The following PLXNA3 variants were observed in gnomAD, a reference collection of about 807,000 sequenced individuals.
The protein encoded by PLXNA3 is plexin-A3.
In PLXNA3, 52 loss-of-function variants were observed where a neutral mutation model predicts 118.8. That is an observed-to-expected ratio of 0.44 (90% CI 0.35 to 0.55). The LOEUF (loss-of-function observed/expected upper bound fraction) is 0.55. PLXNA3 is among the 20% of genes least tolerant of loss of function. The pLI is 0.01. For synonymous variants in PLXNA3, 925 were observed against 762.4 expected (o/e 1.21, Z -3.51); for missense variants, 1,660 against 1,730.8 (o/e 0.96, Z 0.73).
rs1450659093 is a variant in PLXNA3, at chrX:154,474,252, GA to G, written c.*1568del. On this transcript the variant is annotated 3_prime_UTR_variant, in exon 33 of 33. Transcript: ENST00000369682. The stretch of plus-strand genomic sequence containing the variant: ...CAGTCTCAAACTCCTGGGCTCAAGT[GA>G]TCCTCCCACCTCAGCCTCCTGAATA... 2 of 105,948 alleles carry G rather than the reference GA, an allele frequency of 1.9e-5. No individual in the cohort carries two copies. The highest frequency in any genetic ancestry group is 3.9e-5 in the Non-Finnish European group (2 of 51,656). The allele number at this position is 105,948 out of a possible 1,213,427, so 8.7% of individuals were successfully genotyped here.
intron 9 of PLXNA3, 101 bp downstream of exon 9, chrX:154,464,602 A>G: frequency 1.3e-6 from 1 of 765,320 alleles, no homozygotes; most frequent in Non-Finnish European, 1.9e-6. Flanking sequence ...ATCAGGGGCT[A>G]ACTGTCAGGC....
Position 154,461,295 on chromosome X carries a change from G to T in PLXNA3, c.791G>T (p.Arg264Leu). Residue 264 changes from arginine to leucine, a missense_variant, in exon 3 of 33, where the codon CGC becomes CTC. Arg to Leu is a moderately radical substitution (Grantham distance 102). Coordinates refer to ENST00000369682, the MANE Select transcript of PLXNA3 (RefSeq NM_017514.5). ...AAATTTTTCACGTCCAAGATCGTGC[G>T]CATGTGCGCGGGAGACTCAGAGTTC... ...GEKFFTSKIV[R>L]MCAGDSEFYS... 8.2e-7 allele frequency: 1 copy of T among 1,212,141 alleles called. No homozygotes were observed.
In PLXNA3 at chrX:154,472,839, C is replaced by G; in HGVS notation, c.*154C>G. Reference sequence around the variant, plus strand: ...CCACGATGCCCCCGGCACACCCAGGCCCCCTTCATTAGTGCCTTGCTTTGG... The same window carrying G: ...CCACGATGCCCCCGGCACACCCAGGGCCCCTTCATTAGTGCCTTGCTTTGG... On this transcript the variant is annotated 3_prime_UTR_variant, in exon 33 of 33. Coordinates refer to ENST00000369682, the MANE Select transcript of PLXNA3 (RefSeq NM_017514.5). 2 of 446,802 alleles carry G rather than the reference C, an allele frequency of 4.5e-6. No homozygotes were observed. The highest frequency in any genetic ancestry group is 8.1e-6 in the Non-Finnish European group (2 of 247,372). The allele number at this position is 446,802 out of a possible 1,213,427, so 36.8% of individuals were successfully genotyped here.
chrX:154,464,952 G>C, intron 10 of PLXNA3, 66 bp from the exon 11 acceptor site: 12 of 1,086,212 alleles, frequency 1.1e-5, no homozygotes, highest in Non-Finnish European at 1.5e-5. Context: ...GTTTCTTTGA[G>C]CCTTCTCCAG....
Position 154,462,218 on chromosome X carries a change from G to A in PLXNA3, c.1225G>A (p.Asp409Asn), listed in dbSNP as rs143491103. The stretch of plus-strand genomic sequence containing the variant: ...GATCGAGGGGCTGCCCCTGCTGGCC[G>A]ACAGCACCGACGGCATGGCCAGCGT... The part of the protein sequence containing the change: ...HVIEGLPLLA[D>N]STDGMASVAA... Residue 409 changes from aspartate to asparagine, a missense_variant, in exon 4 of 33, where the codon GAC (aspartate) becomes AAC (asparagine). Physicochemically the swap from Asp to Asn is conservative, Grantham distance 23. Around this residue, in one of 2 missense-constraint regions of PLXNA3, gnomAD observed 791 missense variants for 652.1 expected, o/e 1.21. Transcript: ENST00000369682. 53 of 1,202,176 alleles carry A rather than the reference G, an allele frequency of 4.4e-5. No homozygotes were observed. The highest frequency in any genetic ancestry group is 1.3e-4 in the Admixed American group (6 of 45,196).
At position 154,477,036 on chromosome X, in the gene PLXNA3, C is replaced by T; in HGVS notation, c.*4351C>T. 8.9e-6 allele frequency: 1 copy of T among 111,905 alleles called. No homozygotes were observed. Among genetic ancestry groups the T allele is most frequent in the East Asian group, 2.8e-4 (1 of 3,579 alleles). 9.2% of individuals were successfully genotyped at this position (111,905 alleles called of 1,213,427 possible). A position where few individuals can be genotyped will look rare whatever the true frequency, so the allele number is the denominator to read the frequency against. ...AGCACAGGCGTGTGAGGAAGCTACC[C>T]AAGACCAGGGAAGGCCATCACCCCA... is the stretch of plus-strand genomic sequence containing the variant. On this transcript the variant is annotated 3_prime_UTR_variant, in exon 33 of 33. Transcript: ENST00000369682.
intron 30 of PLXNA3, 100 bp from the exon 31 acceptor site, chrX:154,471,005 A>C: frequency 1.5e-6 from 1 of 646,521 alleles, no homozygotes; most frequent in Non-Finnish European, 2.4e-6. Flanking sequence ...ACCTCTGGAC[A>C]AGATGTGAGC....
rs1472909420 is a variant in PLXNA3 at position 154,464,054 on chromosome X, G to C, written c.1651G>C (p.Val551Leu). The C allele has an allele frequency of 8.3e-7, 1 of 1,209,958 alleles. No individual in the cohort carries two copies. Among genetic ancestry groups the C allele is most frequent in the Admixed American group, 2.2e-5 (1 of 46,006 alleles). The change falls in exon 7 of 33, where the codon GTG becomes CTG. Residue 551 changes from valine to leucine, a missense_variant. This residue lies in a region of PLXNA3 where 791 missense variants were observed against 652.1 expected (regional missense o/e 1.21). Transcript: ENST00000369682. ...QVRVRPNNVS[V>L]TSPGVQLTVT... is the part of the protein sequence containing the mutation. ...GCGGGTCCGGCCCAACAATGTGTCA[G>C]TGACGTCACCTGGGGTGCAGGTGAG...
rs375646375 is a variant in PLXNA3 at position 154,462,329 on chromosome X, G to C, written c.1317+19G>C. The C allele has an allele frequency of 7.2e-6, 8 of 1,104,920 alleles. No individual in the cohort carries two copies. Among genetic ancestry groups the C allele is most frequent in the Non-Finnish European group, 8.4e-6 (7 of 835,956 alleles). The allele number at this position is 1,104,920 out of a possible 1,213,427, so 91.1% of individuals were successfully genotyped here. A position where few individuals can be genotyped will look rare whatever the true frequency, so the allele number is the denominator to read the frequency against. On this transcript the variant is annotated intron_variant, in intron 4 of 32. Coordinates refer to ENST00000369682, the MANE Select transcript of PLXNA3 (RefSeq NM_017514.5). The stretch of plus-strand genomic sequence containing the variant: ...GAAGAAGGTGGCCCCCAGAGCCCTG[G>C]GCATGTGGGGGTGGGGACAGTCTCA...
In PLXNA3 at chrX:154,462,425, G is replaced by A. The variant is rs1189896541; in HGVS notation, c.1317+115G>A. The A allele has an allele frequency of 6.8e-6, 4 of 588,909 alleles. No individual in the cohort carries two copies. In the African/African-American group the frequency reaches 7.1e-5, roughly 11 times the overall value. 48.5% of individuals were successfully genotyped at this position (588,909 alleles called of 1,213,427 possible). On this transcript the variant is annotated intron_variant, in intron 4 of 32. Transcript: ENST00000369682. ...CAGGACAGGAGAGGACACGGCTGGT[G>A]CAGGGAGGGAGATTTCCCTGGCTGG...
At chrX:154,465,886 G>A (rs781981367) in intron 13 of PLXNA3, 39 bp downstream of exon 13, 6 of 1,208,495 alleles carry the variant, frequency 5.0e-6, no homozygotes, top group Non-Finnish European at 3.4e-6. Flanking sequence ...TGCCAACAGG[G>A]CCCCTGGGAG....
intron 5 of PLXNA3, 31 bp from the exon 6 acceptor site, chrX:154,463,559 G>GTGGGC: frequency 8.6e-7 from 1 of 1,156,731 alleles, no homozygotes; most frequent in Non-Finnish European, 1.2e-6. Context: ...TGGGGCGGGG[G>GTGGGC]TGGGCTGGGT....
intron 4 of PLXNA3, among the ~76,000 whole-genome samples, chrX:154,462,954 G>A (rs2069002352): frequency 9.0e-6 from 1 of 111,197 alleles, no homozygotes; most frequent in African/African-American, 3.3e-5. Context: ...AAGGGTTTGT[G>A]GAGAAGGATG....
rs1557206842 is a variant in PLXNA3 at position 154,465,919 on chromosome X, C to G, written c.2533-16C>G. The stretch of plus-strand genomic sequence containing the variant: ...GAGTCTGAGCCAACTCTCTCACTGC[C>G]CATCCTGCTCCACAGATCCACCCTC... On this transcript the variant is annotated splice_polypyrimidine_tract_variant and intron_variant, in intron 13 of 32. Transcript: ENST00000369682. The G allele has an allele frequency of 8.3e-7, 1 of 1,211,490 alleles. No homozygotes were observed. Among genetic ancestry groups the G allele is most frequent in the Admixed American group, 2.2e-5 (1 of 46,122 alleles).
rs782262919 is a variant in PLXNA3, at chrX:154,460,436, G to A, written c.253G>A (p.Val85Met). The A allele has an allele frequency of 8.3e-6, 10 of 1,202,173 alleles. No individual in the cohort carries two copies. Among genetic ancestry groups the A allele is most frequent in the African/African-American group, 7.0e-5 (4 of 57,458 alleles). ...CTGCTACCCGCCCCCCAGCATGCGC[G>A]TGTGTGCCCACCGCCTGGCCCCCGT... ...ARCYPPPSMR[V>M]CAHRLAPVDN... The change falls in exon 2 of 33, where the codon GTG (valine) becomes ATG (methionine). Residue 85 changes from valine to methionine, a missense_variant. Transcript: ENST00000369682.
intron 3 of PLXNA3, 38 bp downstream of exon 3, chrX:154,461,676 G>A (rs1557204643): frequency 8.9e-7 from 1 of 1,124,870 alleles, no homozygotes; most frequent in South Asian, 2.0e-5. Flanking sequence ...CCTCTGCCCT[G>A]TCCCAGGTCT....
chrX:154,470,917 G>A lies in PLXNA3; in HGVS notation c.5157-188G>A, dbSNP rs112105132. Reference sequence around the variant, plus strand: ...CGGTGACAGGAGAAGCTGCGGAGGGGGTTGAGCCCTATTGAGAACAGAAGT... The same window carrying A: ...CGGTGACAGGAGAAGCTGCGGAGGGAGTTGAGCCCTATTGAGAACAGAAGT... On this transcript the variant is annotated intron_variant, in intron 30 of 32. Coordinates refer to ENST00000369682, the MANE Select transcript of PLXNA3 (RefSeq NM_017514.5). 4.0e-5 allele frequency: 18 copies of A among 450,950 alleles called. No homozygotes were observed. The South Asian group carries it at 5.6e-4, about 14-fold the overall frequency. The allele number at this position is 450,950 out of a possible 1,213,427, so 37.2% of individuals were successfully genotyped here.
At position 154,472,639 on chromosome X, in the gene PLXNA3, G is replaced by A. The variant is rs201267859; in HGVS notation, c.5570G>A (p.Arg1857Gln). The change falls in exon 33 of 33, where the codon CGG becomes CAG. Residue 1857 changes from arginine to glutamine, a missense_variant. By Grantham distance (43) the Arg-to-Gln change is conservative (BLOSUM62 1). Around this residue, in one of 2 missense-constraint regions of PLXNA3, gnomAD observed 869 missense variants for 1,078.7 expected, o/e 0.81. Coordinates refer to ENST00000369682, the MANE Select transcript of PLXNA3 (RefSeq NM_017514.5). ...RDASCRKHKL[R>Q]QKLEQIISLV... ...GCCTCTTGTCGGAAGCATAAGTTGC[G>A]GCAGAAACTGGAACAGATCATCAGC... The A allele has an allele frequency of 1.4e-4, 174 of 1,207,014 alleles. No homozygotes were observed. The Middle Eastern group carries it at 6.5e-3, about 45-fold the overall frequency.
intron 30 of PLXNA3, 75 bp from the exon 31 acceptor site, chrX:154,471,030 A>G: frequency 2.4e-6 from 2 of 835,532 alleles, no homozygotes; most frequent in Non-Finnish European, 1.8e-6. Context: ...CCGACAGGAA[A>G]GAGATGTGCA....
Sources: allele counts gnomAD v4.1 joint callset (sites outside exome capture counted in the v4.1 genomes callset), GRCh38; gene constraint gnomAD v4.1.1; regional missense constraint gnomAD v4.1.1; transcripts MANE v1.5; gene names NCBI Gene and HGNC (gene_info 2026-07-23, HGNC 2026-07-21).